The following CACNA2D3 variants were observed in gnomAD, a reference collection of about 807,000 sequenced individuals.
CACNA2D3 encodes voltage-dependent calcium channel subunit alpha-2/delta-3.
CACNA2D3 carries 60 observed loss-of-function variants against 160.6 expected under a neutral mutation model. That is an observed-to-expected ratio of 0.37 (90% CI 0.30 to 0.46). CACNA2D3 has a LOEUF of 0.46. CACNA2D3 is among the 20% of genes least tolerant of loss of function. The pLI, the probability that CACNA2D3 is intolerant of heterozygous loss-of-function variation, is 1.00. For missense variants in CACNA2D3, 1,205 were observed against 1,365.0 expected (o/e 0.88, Z 1.85); for synonymous variants, 558 against 492.9 (o/e 1.13, Z -1.75).
At chr3:54,279,558 C>G (rs1702822709) in intron 2 of CACNA2D3, among the ~76,000 whole-genome samples, 1 of 152,178 alleles carries the variant, frequency 6.6e-6, no homozygotes, top group African/African-American at 2.4e-5. Flanking sequence ...ATTTAAATGC[C>G]TTGTCTCCTT....
At chr3:54,920,538 G>C (rs149469717) in intron 27 of CACNA2D3, among the ~76,000 whole-genome samples, 204 of 152,310 alleles carry the variant, frequency 1.3e-3, no homozygotes, top group African/African-American at 4.7e-3. Context: ...CCTGAGGCCA[G>C]AGGTTCAGAG....
chr3:54,515,149 C>A (rs1184255293), intron 5 of CACNA2D3, among the ~76,000 whole-genome samples: 1 of 148,308 alleles, frequency 6.7e-6, no homozygotes, highest in South Asian at 2.1e-4. Flanking sequence ...GAAGAAAATG[C>A]ATAGTAAAAT....
intron 5 of CACNA2D3, among the ~76,000 whole-genome samples, chr3:54,545,989 G>A (rs1385980234): frequency 6.6e-6 from 1 of 152,178 alleles, no homozygotes; most frequent in African/African-American, 2.4e-5. Flanking sequence ...GTTGAGGGAT[G>A]GGCATACAAT....
chr3:54,873,279 G>A lies in CACNA2D3; in HGVS notation c.1710+1657G>A, dbSNP rs1575523081. On this transcript the variant is annotated intron_variant, in intron 18 of 37. Coordinates refer to ENST00000474759, the MANE Select transcript of CACNA2D3 (RefSeq NM_018398.3). ...TTATTCTGACCTCCTCAGTCCTCAG[G>A]GGACCCTGTCATGAATGAATGTCCT... 1.3e-5 allele frequency among the ~76,000 whole-genome samples: 2 copies of A among 152,140 alleles called. 1 individual carries two copies. Among genetic ancestry groups the A allele is most frequent in the South Asian group, 4.2e-4 (2 of 4,804 alleles).
At chr3:54,528,228 C>T (rs1379125874) in intron 5 of CACNA2D3, among the ~76,000 whole-genome samples, 1 of 150,706 alleles carries the variant, frequency 6.6e-6, no homozygotes, top group African/African-American at 2.5e-5. Flanking sequence ...AGCCCTGATA[C>T]TTAACAGTTT....
chr3:54,722,114 T>A (rs1384010248), intron 11 of CACNA2D3, among the ~76,000 whole-genome samples: 1 of 152,236 alleles, frequency 6.6e-6, no homozygotes, highest in Non-Finnish European at 1.5e-5. Flanking sequence ...TGTTGCTTTT[T>A]ATTCTTTTTT....
intron 11 of CACNA2D3, among the ~76,000 whole-genome samples, chr3:54,669,707 A>AG (rs1408382970): frequency 6.6e-6 from 1 of 152,170 alleles, no homozygotes; most frequent in Non-Finnish European, 1.5e-5. Flanking sequence ...TTCAGATGAT[A>AG]GAGGAAGTTG....
intron 14 of CACNA2D3, among the ~76,000 whole-genome samples, 182 bp from the exon 15 acceptor site, chr3:54,836,977 T>C (rs544863933): frequency 2.5e-4 from 38 of 152,326 alleles, no homozygotes; most frequent in African/African-American, 8.9e-4. Flanking sequence ...AGCTGGGGGC[T>C]GGGACTGTCC....
At chr3:54,965,319 C>G (rs1702123942) in intron 27 of CACNA2D3, among the ~76,000 whole-genome samples, 1 of 152,160 alleles carries the variant, frequency 6.6e-6, no homozygotes, top group Non-Finnish European at 1.5e-5. Flanking sequence ...GGTCCCCGTT[C>G]CCATTCTTCT....
chr3:54,887,833 TAACTC>T (rs1425272391), intron 23 of CACNA2D3, 121 bp from the exon 24 acceptor site: 11 of 710,358 alleles, frequency 1.5e-5, no homozygotes, highest in Admixed American at 9.1e-5. Flanking sequence ...AGTGGGAACT[TAACTC>T]ATAAAGCAAC....
intron 13 of CACNA2D3, among the ~76,000 whole-genome samples, chr3:54,816,155 C>T (rs1016241939): frequency 2.0e-5 from 3 of 152,166 alleles, no homozygotes; most frequent in Non-Finnish European, 2.9e-5. Context: ...GTTCTTAGAA[C>T]ATCAGCTTTA....
At chr3:54,471,486 A>G (rs548774839) in intron 4 of CACNA2D3, among the ~76,000 whole-genome samples, 1 of 152,336 alleles carries the variant, frequency 6.6e-6, no homozygotes, top group Admixed American at 6.5e-5. Context: ...ATCACAATAA[A>G]AAGAACTAGA....
At chr3:54,302,222 C>T (rs931259322) in intron 2 of CACNA2D3, among the ~76,000 whole-genome samples, 1 of 152,222 alleles carries the variant, frequency 6.6e-6, no homozygotes, top group Admixed American at 6.5e-5. Context: ...CTTACAATTT[C>T]TCCACCGGAA....
At chr3:54,601,845 C>G (rs1703065380) in intron 9 of CACNA2D3, among the ~76,000 whole-genome samples, 1 of 151,908 alleles carries the variant, frequency 6.6e-6, no homozygotes, top group Admixed American at 6.6e-5. Flanking sequence ...GCCTTCTAAA[C>G]ATGTTTATTT....
At chr3:54,693,916 G>T (rs766752375) in intron 11 of CACNA2D3, among the ~76,000 whole-genome samples, 1 of 152,032 alleles carries the variant, frequency 6.6e-6, no homozygotes, top group Admixed American at 6.6e-5. Context: ...GAATCAAAAG[G>T]TTAAAAAAAT....
intron 27 of CACNA2D3, among the ~76,000 whole-genome samples, chr3:54,950,825 CAT>C (rs1240942121): frequency 5.3e-5 from 8 of 152,110 alleles, no homozygotes; most frequent in African/African-American, 1.4e-4. Flanking sequence ...AGCATGGTGA[CAT>C]GTGAGGTTTG....
intron 1 of CACNA2D3, 96 bp from the exon 2 acceptor site, chr3:54,123,417 T>A (rs1341182307): frequency 4.7e-6 from 4 of 849,994 alleles, no homozygotes; most frequent in Non-Finnish European, 8.2e-6. Context: ...ATCGCACTGC[T>A]CCTTCAGCCA....
intron 11 of CACNA2D3, among the ~76,000 whole-genome samples, chr3:54,715,782 G>A (rs1701040540): frequency 6.6e-6 from 1 of 152,132 alleles, no homozygotes. Flanking sequence ...TAAAAAAGAG[G>A]GAAACTCTGC....
intron 4 of CACNA2D3, among the ~76,000 whole-genome samples, chr3:54,462,787 T>C (rs960534767): frequency 1.3e-5 from 2 of 152,164 alleles, no homozygotes; most frequent in African/African-American, 4.8e-5. Context: ...TTAAAGTTAA[T>C]ATTGTTGTGT....
Sources: allele counts gnomAD v4.1 joint callset (sites outside exome capture counted in the v4.1 genomes callset), GRCh38; gene constraint gnomAD v4.1.1; transcripts MANE v1.5; gene names NCBI Gene and HGNC (gene_info 2026-07-23, HGNC 2026-07-21).